Variants in UBXN1 observed in about 807,000 individuals in gnomAD.
The protein encoded by UBXN1 is UBX domain protein 1.
In UBXN1, 21 loss-of-function variants were observed where a neutral mutation model predicts 42.0. The ratio of observed to expected loss-of-function variants is 0.50; its 90% CI spans 0.35 to 0.72. UBXN1 has a LOEUF of 0.72. Among genes scored for constraint, UBXN1 ranks in the 30% least tolerant of loss-of-function variants. The pLI is 0.00. For missense variants in UBXN1, 374 were observed against 382.2 expected, an observed-to-expected ratio of 0.98 and a Z score of 0.18; for synonymous variants, 172 against 142.6, an observed-to-expected ratio of 1.21 and a Z score of -1.47.
rs528281905 is a variant in UBXN1, at chr11:62,679,028, C to A, written c.-105G>T. 3.1e-6 allele frequency: 4 copies of A among 1,279,368 alleles called. No homozygotes were observed. In the South Asian group the frequency reaches 5.5e-5, roughly 17 times the overall value. The allele number at this position is 1,279,368 out of a possible 1,614,324, so 79.3% of individuals were successfully genotyped here. A position where few individuals can be genotyped will look rare whatever the true frequency, so the allele number is the denominator to read the frequency against. On this transcript the variant is annotated 5_prime_UTR_variant, in exon 1 of 9. Transcript: ENST00000301935. ...CCCTCGACACCCGCCGACGGGCGCT[C>A]GCTCTCTCACCCGGCTCTATAGCAG...
In UBXN1 at chr11:62,677,972, G is replaced by A; in HGVS notation, c.437C>T (p.Ala146Val). The A allele has an allele frequency of 6.2e-7, 1 of 1,614,126 alleles. No individual in the cohort carries two copies. Among genetic ancestry groups the A allele is most frequent in the East Asian group, 2.2e-5 (1 of 44,884 alleles). ...CTTTTCCCTCCGCCTCTCCTCAGCA[G>A]CCCGGCGCATCTCATCTTCCTGTAG... ...QRLQEDEMRR[A>V]AEERRREKAE... Residue 146 changes from alanine to valine, a missense_variant, in exon 5 of 9, where the codon GCT (alanine) becomes GTT (valine). By Grantham distance (64) the Ala-to-Val change is moderately conservative. Coordinates refer to ENST00000301935, the MANE Select transcript of UBXN1 (RefSeq NM_001286077.2).
chr11:62,678,119 C>T lies in UBXN1; in HGVS notation c.291-1G>A. 6.2e-7 allele frequency: 1 copy of T among 1,613,786 alleles called. No individual in the cohort carries two copies. Among genetic ancestry groups the T allele is most frequent in the Non-Finnish European group, 8.5e-7 (1 of 1,179,768 alleles). ...CTTCTGGGCCACCAGCTCCAACATC[C>T]TGTGTTGCCGAGGGAAAACAGTTCA... On this transcript the variant is annotated splice_acceptor_variant, in intron 4 of 8. Coordinates refer to ENST00000301935, the MANE Select transcript of UBXN1 (RefSeq NM_001286077.2). LOFTEE classifies it high-confidence loss of function.
chr11:62,678,155 A>G (rs1945065042), intron 4 of UBXN1, 37 bp from the exon 5 acceptor site: 1 of 1,611,158 alleles, frequency 6.2e-7, no homozygotes, highest in East Asian at 2.2e-5. Flanking sequence ...AGAGAAATGG[A>G]CAGAGTGGGA....
chr11:62,678,498 C>T lies in UBXN1; in HGVS notation c.217G>A (p.Glu73Lys), dbSNP rs1266547328. Residue 73 changes from glutamate to lysine, a missense_variant, in exon 3 of 9, where the codon GAA becomes AAA. Transcript: ENST00000301935. Reference protein sequence around the residue: ...EPTSSEQGGLEGSGSAAGEGK... With the variant: ...EPTSSEQGGLKGSGSAAGEGK... ...ACCGTGGACCCTCAGTCAGGACCTT[C>T]AAGGCCGCCTTGCTCTGAGGAAGTG... 3 of 1,612,344 alleles carry T rather than the reference C, an allele frequency of 1.9e-6. No individual in the cohort carries two copies. In the East Asian group the frequency reaches 6.7e-5, roughly 36 times the overall value.
At chr11:62,677,706 G>A (rs1945047858) in intron 6 of UBXN1, 72 bp from the exon 7 acceptor site, 2 of 1,612,828 alleles carry the variant, frequency 1.2e-6, no homozygotes, top group East Asian at 4.5e-5. Flanking sequence ...ATAAGCCCAT[G>A]CTTTCCCTCT....
At chr11:62,678,229 G>T (rs781219117) in intron 4 of UBXN1, 110 bp downstream of exon 4, 1 of 1,605,018 alleles carries the variant, frequency 6.2e-7, no homozygotes, top group East Asian at 2.2e-5. Context: ...TAAAGGAAAA[G>T]AAAATGCCAA....
At chr11:62,677,479 A>C in intron 7 of UBXN1, 39 bp downstream of exon 7, 1 of 1,605,468 alleles carries the variant, frequency 6.2e-7, no homozygotes, top group Non-Finnish European at 8.5e-7. Flanking sequence ...ACACGGAACA[A>C]AGGGGTCCCA....
chr11:62,676,673 G>T (rs767830562), intron 8 of UBXN1, 34 bp from the exon 9 acceptor site: 1 of 1,614,148 alleles, frequency 6.2e-7, no homozygotes, highest in Non-Finnish European at 8.5e-7. Context: ...TGAACCACAA[G>T]GATACTTGGT....
rs190183819 is a variant in UBXN1, at chr11:62,677,637, A to G, written c.535-3T>C. The G allele has an allele frequency of 1.2e-6, 2 of 1,612,204 alleles. No homozygotes were observed. Among genetic ancestry groups the G allele is most frequent in the African/African-American group, 2.7e-5 (2 of 74,906 alleles). On this transcript the variant is annotated splice_region_variant and splice_polypyrimidine_tract_variant and intron_variant, in intron 6 of 8. Transcript: ENST00000301935. ...TGAGAGCCCACACTGCCACCATACTAAAGGGCAAAGTAAAACAGTCAATCA... is the reference window on the plus strand; with the variant it reads ...TGAGAGCCCACACTGCCACCATACTGAAGGGCAAAGTAAAACAGTCAATCA...
rs200441645 is a variant in UBXN1, at chr11:62,677,859, G to A, written c.483-27C>T. 4.3e-4 allele frequency: 688 copies of A among 1,614,118 alleles called. 1 individual carries two copies. Among genetic ancestry groups the A allele is most frequent in the Middle Eastern group, 2.6e-3 (16 of 6,062 alleles). On this transcript the variant is annotated intron_variant, in intron 5 of 8. Transcript: ENST00000301935. ...TGAAATGTAGACAAGAAGAAATTAG[G>A]TCAGACATCAACAAAGCAAATCTTG... is the stretch of plus-strand genomic sequence containing the variant.
chr11:62,678,025 C>T lies in UBXN1; in HGVS notation c.384G>A (p.Gly128=). The stretch of plus-strand genomic sequence containing the variant: ...GCTGTCGTGCTGCTGACAACTCTTG[C>T]CCTTGTCTCCTGCGCTGCCGTTCCC... ...LERERQRRRQ[G]QELSAARQRL... The change falls in exon 5 of 9, where the codon GGG becomes GGA. Residue 128 remains glycine (G), a synonymous_variant. Coordinates refer to ENST00000301935, the MANE Select transcript of UBXN1 (RefSeq NM_001286077.2). 1.2e-6 allele frequency: 2 copies of T among 1,614,138 alleles called. No homozygotes were observed. The highest frequency in any genetic ancestry group is 8.5e-7 in the Non-Finnish European group (1 of 1,180,034).
chr11:62,677,689 A>G (rs1945047420), intron 6 of UBXN1, 55 bp from the exon 7 acceptor site: 8 of 1,612,566 alleles, frequency 5.0e-6, no homozygotes, highest in African/African-American at 2.7e-5. Flanking sequence ...CAGGTGAAAC[A>G]GATCATATAA....
intron 7 of UBXN1, 90 bp from the exon 8 acceptor site, chr11:62,677,095 C>T: frequency 1.4e-6 from 2 of 1,420,886 alleles, no homozygotes; most frequent in Admixed American, 2.3e-5. Flanking sequence ...GGGCCCCCTT[C>T]TTCTTAGATT....
At chr11:62,677,489 A>G in intron 7 of UBXN1, 29 bp downstream of exon 7, 8 of 1,611,520 alleles carry the variant, frequency 5.0e-6, no homozygotes, top group Non-Finnish European at 6.8e-6. Flanking sequence ...AAGGGGTCCC[A>G]AGAGGAAGAT....
At position 62,678,352 on chromosome 11, in the gene UBXN1, C is replaced by T. The variant is rs763648423; in HGVS notation, c.277G>A (p.Glu93Lys). 2.0e-5 allele frequency: 32 copies of T among 1,614,010 alleles called. 1 individual carries two copies. The Admixed American group carries it at 4.7e-4, about 24-fold the overall frequency. ...KPALSEEERQ[E>K]QTKRMLELVA... The stretch of plus-strand genomic sequence containing the variant: ...TTGTTACTGTACCTCTTAGTTTGTT[C>T]CTGTCTTTCCTCTTCACTCAAAGCG... Residue 93 changes from glutamate (E) to lysine (K), a missense_variant, in exon 4 of 9, where the codon GAA becomes AAA. Glu to Lys is a moderately conservative substitution (Grantham distance 56). Transcript: ENST00000301935.
intron 6 of UBXN1, 60 bp from the exon 7 acceptor site, chr11:62,677,694 A>G: frequency 6.2e-7 from 1 of 1,612,116 alleles, no homozygotes; most frequent in Non-Finnish European, 8.5e-7. Flanking sequence ...GAAACAGATC[A>G]TATAAGCCCA....
At position 62,676,561 on chromosome 11, in the gene UBXN1, G is replaced by C. The variant is rs569600722; in HGVS notation, c.*29C>G. On this transcript the variant is annotated 3_prime_UTR_variant, in exon 9 of 9. Transcript: ENST00000301935. ...TCAGTGCTTTATCAAAGATGAAGGG[G>C]TCACAGAGGGACAATGGGACAAAGG... 1.9e-6 allele frequency: 3 copies of C among 1,568,480 alleles called. No individual in the cohort carries two copies. The highest frequency in any genetic ancestry group is 2.4e-5 in the East Asian group (1 of 42,428).
At chr11:62,677,712 C>T (rs1467142928) in intron 6 of UBXN1, 69 bp downstream of exon 6, 9 of 1,613,426 alleles carry the variant, frequency 5.6e-6, no homozygotes, top group South Asian at 3.3e-5. Context: ...CCATGCTTTC[C>T]CTCTGAAGCT....
At position 62,679,023 on chromosome 11, in the gene UBXN1, G is replaced by C; in HGVS notation, c.-100C>G. The stretch of plus-strand genomic sequence containing the variant: ...ACCCGCCCTCGACACCCGCCGACGG[G>C]CGCTCGCTCTCTCACCCGGCTCTAT... On this transcript the variant is annotated 5_prime_UTR_variant, in exon 1 of 9. Coordinates refer to ENST00000301935, the MANE Select transcript of UBXN1 (RefSeq NM_001286077.2). 7.4e-7 allele frequency: 1 copy of C among 1,348,672 alleles called. No individual in the cohort carries two copies. Among genetic ancestry groups the C allele is most frequent in the Non-Finnish European group, 1.0e-6 (1 of 995,012 alleles). 83.5% of individuals were successfully genotyped at this position (1,348,672 alleles called of 1,614,324 possible). A position where few individuals can be genotyped will look rare whatever the true frequency, so the allele number is the denominator to read the frequency against.
Sources: gnomAD v4.1 joint callset for allele counts on GRCh38, gnomAD v4.1.1 for gene constraint, MANE v1.5 for transcripts, NCBI Gene and HGNC (gene_info 2026-07-23, HGNC 2026-07-21) for gene names.